Variants in UNC5C observed in about 807,000 individuals in gnomAD.
UNC5C encodes netrin receptor UNC5C.
A neutral mutation model predicts 99.8 loss-of-function variants in UNC5C; 47 were observed. That is an observed-to-expected ratio of 0.47 (90% confidence interval 0.37 to 0.60). UNC5C has a LOEUF of 0.60. Ranked by LOEUF, UNC5C falls within the 20% of genes least tolerant of loss-of-function variation. UNC5C has a pLI of 0.00. For missense variants in UNC5C, 1,062 were observed against 1,165.9 expected (o/e 0.91, Z 1.30); for synonymous variants, 487 against 452.2 (o/e 1.08, Z -0.98).
chr4:95,224,623 C>CATTT (rs1194508195), intron 7 of UNC5C, among the ~76,000 whole-genome samples: 1 of 152,092 alleles, frequency 6.6e-6, no homozygotes, highest in Non-Finnish European at 1.5e-5. Flanking sequence ...TTCATTCATT[C>CATTT]ATTCATTCAT....
intron 1 of UNC5C, among the ~76,000 whole-genome samples, chr4:95,491,066 A>G (rs1721474322): frequency 6.6e-6 from 1 of 151,612 alleles, no homozygotes. Flanking sequence ...TGGTAGCAGA[A>G]AAGTAAGATG....
intron 3 of UNC5C, among the ~76,000 whole-genome samples, chr4:95,283,946 T>A (rs963679242): frequency 5.9e-5 from 9 of 152,218 alleles, no homozygotes; most frequent in Non-Finnish European, 1.2e-4. Flanking sequence ...CTTAAGAACA[T>A]GAATATTGGC....
At chr4:95,286,048 T>TA (rs1399529004) in intron 3 of UNC5C, among the ~76,000 whole-genome samples, 2 of 152,178 alleles carry the variant, frequency 1.3e-5, no homozygotes, top group African/African-American at 4.8e-5. Context: ...TTCACAGGGT[T>TA]ATATAGGAAA....
At chr4:95,288,090 AT>A (rs939008578) in intron 3 of UNC5C, among the ~76,000 whole-genome samples, 6 of 150,998 alleles carry the variant, frequency 4.0e-5, no homozygotes, top group African/African-American at 1.5e-4. Flanking sequence ...TTATTTATTT[AT>A]TTATTTTTTG....
chr4:95,485,659 A>G (rs1187883130), intron 1 of UNC5C, among the ~76,000 whole-genome samples: 1 of 151,792 alleles, frequency 6.6e-6, no homozygotes, highest in African/African-American at 2.4e-5. Context: ...ACAGTCAGAT[A>G]TAAATTATAT....
chr4:95,540,014 T>C (rs1443006472), intron 1 of UNC5C, among the ~76,000 whole-genome samples: 2 of 152,080 alleles, frequency 1.3e-5, no homozygotes, highest in South Asian at 2.1e-4. Flanking sequence ...TATATGTGTG[T>C]ATAAATATAA....
intron 1 of UNC5C, among the ~76,000 whole-genome samples, chr4:95,519,167 G>C (rs1722287686): frequency 6.6e-6 from 1 of 152,112 alleles, no homozygotes. Context: ...TGCTTGAGTA[G>C]TCTGCTAAAC....
intron 13 of UNC5C, among the ~76,000 whole-genome samples, chr4:95,183,902 G>T (rs1416362610): frequency 6.6e-6 from 1 of 152,194 alleles, no homozygotes; most frequent in Admixed American, 6.5e-5. Context: ...GTCTGCTGGG[G>T]TTAAATGAGC....
chr4:95,501,400 A>G (rs1296387461), intron 1 of UNC5C, among the ~76,000 whole-genome samples: 1 of 152,090 alleles, frequency 6.6e-6, no homozygotes, highest in East Asian at 1.9e-4. Flanking sequence ...TTTAATTAAG[A>G]GAAGTTAAAA....
rs12505395 is a variant in UNC5C at position 95,328,689 on chromosome 4, C to G, written c.346+6721G>C. ...TAGTTGACAGTCCCACCAACAGTGTCAAAGTGTTCCTATTTCTCCACATCC... is the reference window on the plus strand; with the variant it reads ...TAGTTGACAGTCCCACCAACAGTGTGAAAGTGTTCCTATTTCTCCACATCC... On this transcript the variant is annotated intron_variant, in intron 2 of 15. Coordinates refer to ENST00000453304, the MANE Select transcript of UNC5C (RefSeq NM_003728.4). Among the ~76,000 whole-genome samples the G allele has an allele frequency of 2.1e-5, 3 of 145,426 alleles. No homozygotes were observed. In the South Asian group the frequency reaches 7.2e-4, roughly 35 times the overall value.
intron 2 of UNC5C, among the ~76,000 whole-genome samples, chr4:95,315,683 G>GTA (rs1429210712): frequency 1.3e-5 from 2 of 152,230 alleles, no homozygotes; most frequent in Non-Finnish European, 2.9e-5. Context: ...GAGCCATGAG[G>GTA]TATGGATCAT....
chr4:95,457,873 G>A (rs1010732616), intron 1 of UNC5C, among the ~76,000 whole-genome samples: 2 of 152,056 alleles, frequency 1.3e-5, no homozygotes, highest in South Asian at 2.1e-4. Flanking sequence ...TCTGAACGTC[G>A]GATGAGATGG....
intron 5 of UNC5C, among the ~76,000 whole-genome samples, chr4:95,245,411 C>T (rs1169079383): frequency 1.3e-5 from 2 of 152,072 alleles, no homozygotes; most frequent in Non-Finnish European, 2.9e-5. Context: ...TTTCTTTGGC[C>T]AGTGTTCTTA....
At chr4:95,217,612 G>C (rs1325234496) in intron 9 of UNC5C, among the ~76,000 whole-genome samples, 1 of 152,088 alleles carries the variant, frequency 6.6e-6, no homozygotes, top group Non-Finnish European at 1.5e-5. Flanking sequence ...CTAATACATA[G>C]GAAGAATTTA....
At chr4:95,450,469 G>A (rs142072615) in intron 1 of UNC5C, among the ~76,000 whole-genome samples, 1 of 152,312 alleles carries the variant, frequency 6.6e-6, no homozygotes, top group East Asian at 1.9e-4. Flanking sequence ...GCTTCCCAAA[G>A]TGTCAGCATT....
intron 1 of UNC5C, among the ~76,000 whole-genome samples, chr4:95,436,003 T>C (rs1746774000): frequency 6.6e-6 from 1 of 152,062 alleles, no homozygotes; most frequent in Admixed American, 6.6e-5. Flanking sequence ...GCAGAACTGA[T>C]TGGACAATTT....
At chr4:95,416,639 A>C (rs1746173202) in intron 1 of UNC5C, among the ~76,000 whole-genome samples, 1 of 152,212 alleles carries the variant, frequency 6.6e-6, no homozygotes, top group African/African-American at 2.4e-5. Flanking sequence ...AGTTCACATA[A>C]ATATGCTTTT....
chr4:95,345,398 C>G (rs966404952), intron 1 of UNC5C, among the ~76,000 whole-genome samples: 1 of 151,868 alleles, frequency 6.6e-6, no homozygotes, highest in South Asian at 2.1e-4. Flanking sequence ...GACCTCAATA[C>G]AGTTAAAGCT....
chr4:95,220,048 T>C lies in UNC5C; in HGVS notation c.1237A>G (p.Ile413Val), dbSNP rs377428633. The change falls in exon 8 of 16, where the codon ATT becomes GTT. Residue 413 changes from isoleucine (I) to valine (V), a missense_variant. Physicochemically the swap from Ile to Val is conservative, Grantham distance 29. Transcript: ENST00000453304. ...RKNHRDFESD[I>V]IDSSALNGGF... ...CCATTGAGTGCCGAAGAGTCAATAATATCTGACTCAAAGTCACGATGATTC... is the reference window on the plus strand; with the variant it reads ...CCATTGAGTGCCGAAGAGTCAATAACATCTGACTCAAAGTCACGATGATTC... The C allele has an allele frequency of 4.0e-5, 65 of 1,614,002 alleles. No individual in the cohort carries two copies. Among genetic ancestry groups the C allele is most frequent in the Non-Finnish European group, 5.3e-5 (63 of 1,180,018 alleles).
Sources: gnomAD v4.1 joint callset for allele counts (sites outside exome capture counted in the v4.1 genomes callset) on GRCh38, gnomAD v4.1.1 for gene constraint, MANE v1.5 for transcripts, NCBI Gene and HGNC (gene_info 2026-07-23, HGNC 2026-07-21) for gene names.